The following ZNF398 variants were observed in gnomAD, a reference collection of about 807,000 sequenced individuals.
The protein encoded by ZNF398 is zinc finger protein 398.
ZNF398 carries 18 observed loss-of-function variants against 41.9 expected under a neutral mutation model. That is an observed-to-expected ratio of 0.43 (90% CI 0.30 to 0.64). The LOEUF (loss-of-function observed/expected upper bound fraction) is 0.64, where lower values mean the gene tolerates loss of function less well. Among genes scored for constraint, ZNF398 ranks in the 30% least tolerant of loss-of-function variants. The pLI is 0.14. For synonymous variants in ZNF398, 260 were observed against 308.8 expected (o/e 0.84, Z 1.66); for missense variants, 669 against 822.8 (o/e 0.81, Z 2.29).
intron 1 of ZNF398, among the ~76,000 whole-genome samples, chr7:149,151,883 T>C (rs1249614848): frequency 6.6e-6 from 1 of 151,236 alleles, no homozygotes; most frequent in Non-Finnish European, 1.5e-5. Flanking sequence ...GCCTCCTGGG[T>C]TCAAGCAATA....
rs1214214016 is a variant in ZNF398 at position 149,152,216 on chromosome 7, G to T, written c.25-1729G>T. On this transcript the variant is annotated intron_variant, in intron 1 of 5. Transcript: ENST00000475153. ...GCGACAGAGCGAGACTCTGTCTCAA[G>T]AAATAAATAATTAATTAATTAATAA... Among the ~76,000 whole-genome samples, 3 of 150,306 alleles carry T rather than the reference G, an allele frequency of 2.0e-5. No individual in the cohort carries two copies. In the East Asian group the frequency reaches 5.9e-4, roughly 30 times the overall value.
intron 2 of ZNF398, among the ~76,000 whole-genome samples, chr7:149,160,161 A>G (rs1291732057): frequency 2.0e-5 from 3 of 152,112 alleles, no homozygotes; most frequent in Non-Finnish European, 2.9e-5. Flanking sequence ...TTTCTAGGCC[A>G]GGCGCGGTGA....
chr7:149,155,796 G>A lies in ZNF398; in HGVS notation c.420+1456G>A, dbSNP rs1440151125. Among the ~76,000 whole-genome samples the A allele has an allele frequency of 2.8e-5, 4 of 143,386 alleles. No individual in the cohort carries two copies. In the East Asian group the frequency reaches 6.3e-4, roughly 22 times the overall value. 94.1% of individuals were successfully genotyped at this position (143,386 alleles called of 152,430 possible). On this transcript the variant is annotated intron_variant, in intron 2 of 5. Transcript: ENST00000475153. ...GGCTGGAGTGCAGTGGCGCCATCTC[G>A]GCTCACTGCAAGCTCTGCCTCCCGG...
chr7:149,160,812 T>G (rs1161800266), intron 2 of ZNF398, among the ~76,000 whole-genome samples: 1 of 152,228 alleles, frequency 6.6e-6, no homozygotes, highest in Non-Finnish European at 1.5e-5. Context: ...GAAATCATTG[T>G]GAACTCCTAG....
intron 2 of ZNF398, among the ~76,000 whole-genome samples, chr7:149,156,212 T>A (rs1225240112): frequency 6.6e-6 from 1 of 151,430 alleles, no homozygotes; most frequent in Non-Finnish European, 1.5e-5. Context: ...ACAATAAGAG[T>A]TACTGATGGG....
In ZNF398 at chr7:149,182,930, G is replaced by A. The variant is rs894667088; in HGVS notation, c.*3129G>A. On this transcript the variant is annotated 3_prime_UTR_variant, in exon 6 of 6. Transcript: ENST00000475153. ...TGGGGCTCTGCTGGGCTTCTCTTGA[G>A]CATATCTGAGAAGTGATGTTCATGT... 6.6e-6 allele frequency: 1 copy of A among 151,008 alleles called. No individual in the cohort carries two copies. The highest frequency in any genetic ancestry group is 1.9e-4 in the East Asian group (1 of 5,144). The allele number at this position is 151,008 out of a possible 1,614,324, so 9.4% of individuals were successfully genotyped here.
intron 2 of ZNF398, among the ~76,000 whole-genome samples, chr7:149,137,123 T>C (rs1348820280): frequency 6.6e-6 from 1 of 152,094 alleles, no homozygotes; most frequent in Non-Finnish European, 1.5e-5. Flanking sequence ...CACCTCAGCC[T>C]CCCAAAGTGC....
At chr7:149,133,093 T>C (rs1826631285) in intron 2 of ZNF398, among the ~76,000 whole-genome samples, 1 of 152,004 alleles carries the variant, frequency 6.6e-6, no homozygotes, top group Non-Finnish European at 1.5e-5. Context: ...CTGGCTTCTT[T>C]AGTGCAACCT....
chr7:149,155,839 G>T (rs548336975), intron 2 of ZNF398, among the ~76,000 whole-genome samples: 2 of 150,374 alleles, frequency 1.3e-5, no homozygotes, highest in Non-Finnish European at 3.0e-5. Context: ...CCATTCTCCT[G>T]CCTCAGCCTC....
intron 4 of ZNF398, among the ~76,000 whole-genome samples, chr7:149,170,276 T>G (rs1050319108): frequency 6.6e-6 from 1 of 152,246 alleles, no homozygotes; most frequent in Non-Finnish European, 1.5e-5. Context: ...AACTAGATGA[T>G]GTAGCTTTCT....
In ZNF398 at chr7:149,127,338, G is replaced by T. The variant is rs1290055324; in HGVS notation, c.-612+683G>T. 3.3e-5 allele frequency among the ~76,000 whole-genome samples: 5 copies of T among 151,716 alleles called. No individual in the cohort carries two copies. The South Asian group carries it at 8.3e-4, about 25-fold the overall frequency. ...TAGGCTGAGGAGCGTGTGCACATCT[G>T]TATTTGTCCCGGAATCGTGAAATGT... On this transcript the variant is annotated intron_variant, in intron 1 of 6. Coordinates refer to the ZNF398 transcript ENST00000426851.
intron 2 of ZNF398, among the ~76,000 whole-genome samples, chr7:149,165,912 C>T (rs74594493): frequency 2.0e-5 from 3 of 152,102 alleles, no homozygotes; most frequent in Non-Finnish European, 4.4e-5. Context: ...CCAAAATACT[C>T]GAATGTGCCT....
Position 149,131,350 on chromosome 7 carries a change from G to T in ZNF398, c.-490+2406G>T, listed in dbSNP as rs529522028. 8.0e-4 allele frequency among the ~76,000 whole-genome samples: 121 copies of T among 152,190 alleles called. 1 individual carries two copies. The highest frequency in any genetic ancestry group is 2.9e-3 in the African/African-American group (120 of 41,518). On this transcript the variant is annotated intron_variant, in intron 2 of 6. Coordinates refer to the ZNF398 transcript ENST00000426851. ...CATTTTTCTCAGGTTGATAAATATG[G>T]ACTTTTTATTAAGGAAAGATTTTAC...
upstream of ZNF398, among the ~76,000 whole-genome samples, chr7:149,143,135 C>A (rs534604793): frequency 3.6e-4 from 40 of 110,760 alleles, 2 homozygotes; most frequent in South Asian, 0.015. Flanking sequence ...AGCGAGACTC[C>A]ATCTCAAAAA....
chr7:149,133,702 T>TAC (rs1741310551), intron 2 of ZNF398, among the ~76,000 whole-genome samples: 1 of 78,144 alleles, frequency 1.3e-5, no homozygotes, highest in Non-Finnish European at 2.5e-5. Context: ...TGTATATATA[T>TAC]ATACACACAT....
chr7:149,149,522 C>A (rs1827057828), intron 1 of ZNF398, among the ~76,000 whole-genome samples: 1 of 152,108 alleles, frequency 6.6e-6, no homozygotes, highest in African/African-American at 2.4e-5. Flanking sequence ...AGCCACCGCG[C>A]CCGGCCTCAT....
chr7:149,172,546 TGTGA>T (rs1795369414), intron 4 of ZNF398, among the ~76,000 whole-genome samples: 1 of 152,174 alleles, frequency 6.6e-6, no homozygotes, highest in Non-Finnish European at 1.5e-5. Context: ...GCTTCCTTTA[TGTGA>T]AAAGGTGAAA....
chr7:149,144,534 C>A (rs1224394746), upstream of ZNF398, among the ~76,000 whole-genome samples: 4 of 152,050 alleles, frequency 2.6e-5, no homozygotes, highest in Non-Finnish European at 5.9e-5. Context: ...GCCTTGAATT[C>A]TTGGGCTCCA....
intron 2 of ZNF398, among the ~76,000 whole-genome samples, chr7:149,141,819 C>T (rs562370483): frequency 6.6e-6 from 1 of 152,048 alleles, no homozygotes; most frequent in South Asian, 2.1e-4. Context: ...GAACTCCTGA[C>T]ATCAGGTGAT....
Sources: gnomAD v4.1 joint callset for allele counts (sites outside exome capture counted in the v4.1 genomes callset) on GRCh38, gnomAD v4.1.1 for gene constraint, MANE v1.5 for transcripts, NCBI Gene and HGNC (gene_info 2026-07-23, HGNC 2026-07-21) for gene names.